SOX6: variants seen among roughly 807,000 people sequenced by gnomAD.
SOX6 encodes SRY-box transcription factor 6.
In SOX6, 11 loss-of-function variants were observed where a neutral mutation model predicts 97.8. The observed-to-expected ratio is 0.11, with a 90% CI of 0.07 to 0.19. SOX6 has a LOEUF of 0.19. SOX6 is among the 10% of genes least tolerant of loss of function. SOX6 has a pLI of 1.00. For missense variants in SOX6, 810 were observed against 1,039.5 expected, an observed-to-expected ratio of 0.78 and a Z score of 3.04; for synonymous variants, 360 against 371.4, an observed-to-expected ratio of 0.97 and a Z score of 0.35.
chr11:16,582,948 AT>A (rs1312033733), intron 4 of SOX6, among the ~76,000 whole-genome samples: 5 of 152,206 alleles, frequency 3.3e-5, no homozygotes, highest in Admixed American at 1.3e-4. Context: ...TTTCACAAAG[AT>A]GGCAAGACGC....
At chr11:16,731,289 C>CA (rs1848347825) in intron 2 of SOX6, among the ~76,000 whole-genome samples, 2 of 151,626 alleles carry the variant, frequency 1.3e-5, no homozygotes, top group South Asian at 2.1e-4. Context: ...AGAGACACAA[C>CA]AAAAAAAAGA....
At chr11:16,567,877 AT>A (rs144410415) in intron 4 of SOX6, among the ~76,000 whole-genome samples, 17,798 of 141,318 alleles carry the variant, frequency 0.13, 1,009 homozygotes, top group Non-Finnish European at 0.15. Context: ...ACCTGGCCAT[AT>A]TTTTTTTTTT....
Position 16,337,481 on chromosome 11 carries a change from G to GA in SOX6, c.237+3530dup, listed in dbSNP as rs558075085. Reference sequence around the variant, plus strand: ...AATAATATCCTGTACATTTTTCCATGAAAAAAATTATGTGAATGTATTCCA... The same window carrying GA: ...AATAATATCCTGTACATTTTTCCATGAAAAAAAATTATGTGAATGTATTCCA... On this transcript the variant is annotated intron_variant, in intron 2 of 15. Coordinates refer to ENST00000683767, the MANE Select transcript of SOX6 (RefSeq NM_001367873.1). Among the ~76,000 whole-genome samples the GA allele has an allele frequency of 4.1e-3, 626 of 152,074 alleles. 2 individuals carry two copies. The highest frequency in any genetic ancestry group is 7.2e-3 in the Non-Finnish European group (487 of 67,954).
intron 2 of SOX6, among the ~76,000 whole-genome samples, chr11:16,330,805 G>A (rs899862847): frequency 1.3e-5 from 2 of 152,068 alleles, no homozygotes; most frequent in Admixed American, 6.6e-5. Context: ...TGAGGAAATC[G>A]AAGTCAGGAG....
intron 1 of SOX6, among the ~76,000 whole-genome samples, chr11:16,370,862 C>T (rs1857478891): frequency 6.6e-6 from 1 of 152,104 alleles, no homozygotes; most frequent in African/African-American, 2.4e-5. Flanking sequence ...CTCACTACCT[C>T]CACTACTACT....
At chr11:16,348,838 C>T (rs1038213347) in intron 1 of SOX6, among the ~76,000 whole-genome samples, 5 of 152,200 alleles carry the variant, frequency 3.3e-5, no homozygotes, top group Non-Finnish European at 4.4e-5. Context: ...GCTTCGTTTT[C>T]GTCTTCTAAA....
At chr11:16,620,423 T>G (rs1371193328) in intron 3 of SOX6, among the ~76,000 whole-genome samples, 1 of 152,206 alleles carries the variant, frequency 6.6e-6, no homozygotes, top group African/African-American at 2.4e-5. Context: ...AAGGACTTCC[T>G]GGATGGCAGG....
intron 4 of SOX6, among the ~76,000 whole-genome samples, chr11:16,597,504 CAAAAG>C (rs1848225967): frequency 6.6e-6 from 1 of 151,730 alleles, no homozygotes; most frequent in African/African-American, 2.4e-5. Context: ...GCAAATAAAA[CAAAAG>C]AAAATCTTCA....
chr11:16,466,518 C>T (rs1037029419), intron 1 of SOX6, among the ~76,000 whole-genome samples: 2 of 151,804 alleles, frequency 1.3e-5, no homozygotes, highest in Admixed American at 1.3e-4. Context: ...AAGAAACTAT[C>T]GACAGAGTAA....
chr11:16,309,060 G>A (rs534923174), intron 3 of SOX6, among the ~76,000 whole-genome samples: 7 of 152,304 alleles, frequency 4.6e-5, no homozygotes, highest in East Asian at 1.9e-4. Context: ...ATGCACGTGC[G>A]TGCACACACA....
rs1848135178 is a variant in SOX6 at position 16,706,469 on chromosome 11, AAAATATATATATATATATATATATATAT to A, written n.429+8333_429+8360del. 1.5e-4 allele frequency among the ~76,000 whole-genome samples: 4 copies of A among 27,022 alleles called. 1 individual carries two copies. Among genetic ancestry groups the A allele is most frequent in the Non-Finnish European group, 6.6e-5 (1 of 15,192 alleles). The allele number at this position is 27,022 out of a possible 152,430, so 17.7% of individuals were successfully genotyped here. A position where few individuals can be genotyped will look rare whatever the true frequency, so the allele number is the denominator to read the frequency against. ...TATCACAAAAAAAAAAAAAAAAAAA[AAAATATATATATATATATATATATATAT>A]ATATATATATATATATATATATATA... On this transcript the variant is annotated intron_variant and non_coding_transcript_variant, in intron 3 of 5. Transcript: ENST00000524520.
At chr11:16,681,028 C>T (rs1200385448) in intron 3 of SOX6, among the ~76,000 whole-genome samples, 1 of 152,200 alleles carries the variant, frequency 6.6e-6, no homozygotes, top group African/African-American at 2.4e-5. Context: ...CAACACCCCA[C>T]TGTCAATATT....
chr11:16,397,743 G>A (rs949028093), intron 1 of SOX6, among the ~76,000 whole-genome samples: 1 of 151,448 alleles, frequency 6.6e-6, no homozygotes, highest in African/African-American at 2.4e-5. Context: ...AGAATAATCA[G>A]CCTTACACTA....
chr11:16,147,153 G>T (rs893932252), intron 6 of SOX6, among the ~76,000 whole-genome samples: 3 of 151,928 alleles, frequency 2.0e-5, no homozygotes, highest in African/African-American at 7.3e-5. Context: ...CACATATACA[G>T]CATGGAATAC....
At chr11:16,482,170 C>T (rs944104641) in intron 4 of SOX6, among the ~76,000 whole-genome samples, 2 of 152,040 alleles carry the variant, frequency 1.3e-5, no homozygotes, top group African/African-American at 4.8e-5. Flanking sequence ...ATAATTGTGG[C>T]TATTCTTTTA....
chr11:16,107,766 T>A (rs1849131861), intron 7 of SOX6, among the ~76,000 whole-genome samples: 1 of 152,106 alleles, frequency 6.6e-6, no homozygotes, highest in South Asian at 2.1e-4. Flanking sequence ...AGTTATATAC[T>A]TACAAATGGC....
At chr11:16,669,125 A>G (rs575969042) in intron 3 of SOX6, among the ~76,000 whole-genome samples, 1 of 152,222 alleles carries the variant, frequency 6.6e-6, no homozygotes, top group Admixed American at 6.5e-5. Context: ...TCAAGGATAG[A>G]CCATATATAT....
At chr11:16,334,497 G>A (rs777192244) in intron 2 of SOX6, among the ~76,000 whole-genome samples, 1 of 151,162 alleles carries the variant, frequency 6.6e-6, no homozygotes, top group Non-Finnish European at 1.5e-5. Context: ...GCACAATGTC[G>A]GCTCACTGTA....
intron 4 of SOX6, among the ~76,000 whole-genome samples, chr11:16,600,659 C>T (rs1365157969): frequency 6.6e-6 from 1 of 152,168 alleles, no homozygotes; most frequent in African/African-American, 2.4e-5. Context: ...CTATCAAAAC[C>T]CATAATGCAA....
Sources: gnomAD v4.1 joint callset for allele counts (sites outside exome capture counted in the v4.1 genomes callset) on GRCh38, gnomAD v4.1.1 for gene constraint, MANE v1.5 for transcripts, NCBI Gene and HGNC (gene_info 2026-07-23, HGNC 2026-07-21) for gene names.